The following MAF variants were observed in gnomAD, a reference collection of about 807,000 sequenced individuals.
MAF encodes the protein MAF bZIP transcription factor, also known as transcription factor Maf.
In MAF, 10 loss-of-function variants were observed where a neutral mutation model predicts 22.0. The observed-to-expected ratio is 0.45, with a 90% CI of 0.28 to 0.77. MAF has a LOEUF of 0.77. Ranked by LOEUF, MAF falls within the 30% of genes least tolerant of loss-of-function variation. The pLI, the probability that MAF is intolerant of heterozygous loss-of-function variation, is 0.12. For missense variants in MAF, 544 were observed against 548.4 expected, an observed-to-expected ratio of 0.99 and a Z score of 0.08; for synonymous variants, 337 against 255.8, an observed-to-expected ratio of 1.32 and a Z score of -3.03.
chr16:79,580,142 A>G, the MAF span, among the ~76,000 whole-genome samples: 1 of 152,168 alleles, frequency 6.6e-6, no homozygotes, highest in African/African-American at 2.4e-5. Context: ...TGCACCCTGT[A>G]TTTTTCTTCC....
the MAF span, among the ~76,000 whole-genome samples, chr16:79,312,175 T>C: frequency 6.6e-6 from 1 of 152,012 alleles, no homozygotes; most frequent in African/African-American, 2.4e-5. Context: ...TTATACAAAT[T>C]TAAAGGAAAA....
chr16:79,417,613 C>T, the MAF span, among the ~76,000 whole-genome samples: 1 of 151,806 alleles, frequency 6.6e-6, no homozygotes, highest in African/African-American at 2.4e-5. Context: ...GGTTTGGAGG[C>T]GGGGGTCCCC....
At chr16:79,410,679 T>C in the MAF span, among the ~76,000 whole-genome samples, 1 of 151,936 alleles carries the variant, frequency 6.6e-6, no homozygotes, top group South Asian at 2.1e-4. Flanking sequence ...AAGAGTAGAG[T>C]GAATGCAGGA....
chr16:79,405,928 C>G, the MAF span, among the ~76,000 whole-genome samples: 1 of 152,214 alleles, frequency 6.6e-6, no homozygotes, highest in Non-Finnish European at 1.5e-5. Context: ...CAACTGCCAG[C>G]ATCATCAGTA....
the MAF span, among the ~76,000 whole-genome samples, chr16:79,557,662 G>A: frequency 6.6e-6 from 1 of 152,042 alleles, no homozygotes; most frequent in Non-Finnish European, 1.5e-5. Context: ...GATGACCTGT[G>A]TCATACCTAA....
chr16:79,594,446 C>T lies in MAF; in HGVS notation c.*14G>A, dbSNP rs1913383038. The T allele has an allele frequency of 1.3e-6, 2 of 1,551,742 alleles. No individual in the cohort carries two copies. The highest frequency in any genetic ancestry group is 2.4e-5 in the East Asian group (1 of 41,222). On this transcript the variant is annotated 3_prime_UTR_variant, in exon 2 of 2. Coordinates refer to ENST00000326043, the MANE Select transcript of MAF (RefSeq NM_005360.5). ...AATGATGATTTTTTTTAATGTACAGCTCTCACACAAATTTCATTTTGTGAA... is the reference window on the plus strand; with the variant it reads ...AATGATGATTTTTTTTAATGTACAGTTCTCACACAAATTTCATTTTGTGAA...
chr16:79,295,535 C>T, the MAF span, among the ~76,000 whole-genome samples: 1 of 152,356 alleles, frequency 6.6e-6, no homozygotes, highest in East Asian at 1.9e-4. Context: ...GGGCTACTGT[C>T]TGTTTACACC....
At chr16:79,211,574 AAATTTTTTTTT>A in the MAF span, 1 of 1,613,986 alleles carries the variant, frequency 6.2e-7, no homozygotes, top group Non-Finnish European at 8.5e-7. Flanking sequence ...CCTTTTCTTA[AAATTTTTTTTT>A]GTCTTTCTTC....
the MAF span, among the ~76,000 whole-genome samples, chr16:79,420,989 G>A: frequency 2.2e-4 from 33 of 151,010 alleles, no homozygotes; most frequent in East Asian, 5.8e-3. Flanking sequence ...AGCTGAGATC[G>A]CACCACTTCA....
the MAF span, among the ~76,000 whole-genome samples, chr16:79,560,134 C>G: frequency 6.6e-6 from 1 of 152,032 alleles, no homozygotes; most frequent in Non-Finnish European, 1.5e-5. Context: ...TGATCTTGAA[C>G]CCCTGGCCTC....
At chr16:79,371,697 C>A in the MAF span, among the ~76,000 whole-genome samples, 1 of 152,190 alleles carries the variant, frequency 6.6e-6, no homozygotes, top group Non-Finnish European at 1.5e-5. Context: ...GGCCTCAGGT[C>A]CTGTCTCCCT....
At chr16:79,340,913 A>C in the MAF span, among the ~76,000 whole-genome samples, 6 of 152,186 alleles carry the variant, frequency 3.9e-5, no homozygotes, top group East Asian at 5.8e-4. Context: ...ACACATTAAA[A>C]TCGATAGAAA....
chr16:79,204,061 C>G, the MAF span: 1 of 152,122 alleles, frequency 6.6e-6, no homozygotes, highest in African/African-American at 2.4e-5. Flanking sequence ...ACGACACTAT[C>G]AGTTAGATGC....
At chr16:79,491,203 C>T in the MAF span, among the ~76,000 whole-genome samples, 2 of 152,156 alleles carry the variant, frequency 1.3e-5, no homozygotes, top group South Asian at 4.1e-4. Flanking sequence ...CGGCTGAAAA[C>T]AGCAGTGAGG....
the MAF span, among the ~76,000 whole-genome samples, chr16:79,272,092 G>C: frequency 2.0e-5 from 3 of 152,104 alleles, no homozygotes; most frequent in Non-Finnish European, 4.4e-5. Context: ...GATGTCAATG[G>C]GGGTAAAAGA....
the MAF span, chr16:79,203,690 G>T: frequency 6.6e-5 from 10 of 151,970 alleles, no homozygotes; most frequent in Non-Finnish European, 1.2e-4. Flanking sequence ...GGCAGACTTC[G>T]TAGAGCCATT....
At chr16:79,252,375 C>G in the MAF span, among the ~76,000 whole-genome samples, 6 of 151,682 alleles carry the variant, frequency 4.0e-5, no homozygotes, top group Admixed American at 2.0e-4. Context: ...TTCTCTTTCC[C>G]CTCAAAATGT....
the MAF span, among the ~76,000 whole-genome samples, chr16:79,217,644 G>A: frequency 6.6e-6 from 1 of 152,156 alleles, no homozygotes; most frequent in Non-Finnish European, 1.5e-5. Flanking sequence ...AACAGGAAGA[G>A]TAGGCCAGTT....
the MAF span, among the ~76,000 whole-genome samples, chr16:79,283,670 T>C: frequency 2.6e-5 from 4 of 152,214 alleles, no homozygotes; most frequent in African/African-American, 9.6e-5. Context: ...AGTGTCGCCA[T>C]AACCAATTGC....
Sources: gnomAD v4.1 joint callset for allele counts (sites outside exome capture counted in the v4.1 genomes callset) on GRCh38, gnomAD v4.1.1 for gene constraint, MANE v1.5 for transcripts, NCBI Gene and HGNC (gene_info 2026-07-23, HGNC 2026-07-21) for gene names.